The following AFDN variants were observed in gnomAD, a reference collection of about 807,000 sequenced individuals.
AFDN encodes the protein afadin, adherens junction formation factor.
In AFDN, 68 loss-of-function variants were observed where a neutral mutation model predicts 216.6. That is an observed-to-expected ratio of 0.31 (90% CI 0.26 to 0.38). The LOEUF is 0.38. Among genes scored for constraint, AFDN ranks in the 10% least tolerant of loss-of-function variants. AFDN has a pLI of 1.00. For missense variants in AFDN, 2,136 were observed against 2,342.0 expected (o/e 0.91, Z 1.82); for synonymous variants, 868 against 853.7 (o/e 1.02, Z -0.29).
chr6:167,852,974 A>T lies in AFDN; in HGVS notation c.106-11577A>T, dbSNP rs533611834. Among the ~76,000 whole-genome samples, 8 of 152,112 alleles carry T rather than the reference A, an allele frequency of 5.3e-5. No individual in the cohort carries two copies. In the South Asian group the frequency reaches 1.7e-3, roughly 32 times the overall value. ...AAGATGTCCCAAACTCATCTTGTAC[A>T]TTTTCTGACCTAGACCTGGATTAAG... On this transcript the variant is annotated intron_variant, in intron 1 of 33. Coordinates refer to ENST00000683244, the MANE Select transcript of AFDN (RefSeq NM_001386888.1).
At chr6:167,876,869 G>T (rs926206858) in intron 5 of AFDN, among the ~76,000 whole-genome samples, 5 of 151,976 alleles carry the variant, frequency 3.3e-5, no homozygotes, top group Admixed American at 2.0e-4. Flanking sequence ...GGGGTATTTT[G>T]ATGGAAAAAT....
intron 1 of AFDN, among the ~76,000 whole-genome samples, chr6:167,863,982 A>C (rs1363004983): frequency 6.6e-6 from 1 of 152,170 alleles, no homozygotes; most frequent in Admixed American, 6.5e-5. Flanking sequence ...AAGAGTTTTC[A>C]TTTATTCACA....
intron 1 of AFDN, among the ~76,000 whole-genome samples, chr6:167,852,091 TC>T (rs966855840): frequency 1.3e-5 from 2 of 152,148 alleles, no homozygotes; most frequent in Non-Finnish European, 2.9e-5. Flanking sequence ...TGTTATTTCT[TC>T]CCTACTTCAG....
At chr6:167,889,075 G>A (rs888887356) in intron 6 of AFDN, 140 bp from the exon 7 acceptor site, 1 of 564,184 alleles carries the variant, frequency 1.8e-6, no homozygotes, top group Non-Finnish European at 3.1e-6. Context: ...TGATTATTTT[G>A]ATGATGAGTG....
At position 167,971,504 on chromosome 6, in the gene AFDN, A is replaced by G. The variant is rs745630808; in HGVS notation, c.*1569A>G. ...TTTCCTTGTTTGAGTAAGAGAGTGAATGGTTCTGAGTGTTTAGGAAGGATT... is the reference window on the plus strand; with the variant it reads ...TTTCCTTGTTTGAGTAAGAGAGTGAGTGGTTCTGAGTGTTTAGGAAGGATT... On this transcript the variant is annotated 3_prime_UTR_variant, in exon 34 of 34. Transcript: ENST00000683244. 7.2e-5 allele frequency: 14 copies of G among 195,098 alleles called. No individual in the cohort carries two copies. The highest frequency in any genetic ancestry group is 1.5e-4 in the Non-Finnish European group (14 of 94,102). The allele number at this position is 195,098 out of a possible 1,614,324, so 12.1% of individuals were successfully genotyped here.
In AFDN at chr6:167,907,365, A is replaced by G; in HGVS notation, c.1769+76A>G. Reference sequence around the variant, plus strand: ...AAAAGGGTTGGGATAAAGATTGTTGAATTTATAAAGGTTCAGCTGACATGT... The same window carrying G: ...AAAAGGGTTGGGATAAAGATTGTTGGATTTATAAAGGTTCAGCTGACATGT... On this transcript the variant is annotated intron_variant, in intron 13 of 33. Transcript: ENST00000683244. The G allele has an allele frequency of 4.3e-6, 5 of 1,167,030 alleles. No individual in the cohort carries two copies. In the South Asian group the frequency reaches 5.1e-5, roughly 12 times the overall value. 72.3% of individuals were successfully genotyped at this position (1,167,030 alleles called of 1,614,324 possible). A position where few individuals can be genotyped will look rare whatever the true frequency, so the allele number is the denominator to read the frequency against.
intron 3 of AFDN, among the ~76,000 whole-genome samples, chr6:167,871,830 T>G (rs1441910758): frequency 6.6e-6 from 1 of 152,248 alleles, no homozygotes; most frequent in Non-Finnish European, 1.5e-5. Flanking sequence ...TTTGTTAGGT[T>G]TCTTTTATTC....
In AFDN at chr6:167,841,742, A is replaced by G. The variant is rs541690574; in HGVS notation, c.105+14505A>G. Among the ~76,000 whole-genome samples, 4 of 151,918 alleles carry G rather than the reference A, an allele frequency of 2.6e-5. No individual in the cohort carries two copies. In the South Asian group the frequency reaches 8.3e-4, roughly 32 times the overall value. ...ATAATATATCAGTTAGAGTGTTTCAATTTATGTTGCTAATTTTTTTTTTCT... is the reference window on the plus strand; with the variant it reads ...ATAATATATCAGTTAGAGTGTTTCAGTTTATGTTGCTAATTTTTTTTTTCT... On this transcript the variant is annotated intron_variant, in intron 1 of 33. Transcript: ENST00000683244.
At chr6:167,922,111 A>C (rs1448470672) in intron 21 of AFDN, among the ~76,000 whole-genome samples, 2 of 152,236 alleles carry the variant, frequency 1.3e-5, no homozygotes, top group Non-Finnish European at 2.9e-5. Context: ...GAGAAAATGT[A>C]CCGAGGATTG....
chr6:167,952,166 G>A lies in AFDN; in HGVS notation c.4812G>A (p.Leu1604=), dbSNP rs746650281. The change falls in exon 30 of 34, where the codon CTG becomes CTA. Residue 1604 remains leucine, a synonymous_variant. Transcript: ENST00000683244. The part of the protein sequence containing the change: ...DVDTMLIMQR[L]EAERRARLQD... ...ACACCATGCTGATCATGCAGCGCCTGGAGGCTGAACGAAGAGCGAGGGTAA... is the reference window on the plus strand; with the variant it reads ...ACACCATGCTGATCATGCAGCGCCTAGAGGCTGAACGAAGAGCGAGGGTAA... 7 of 1,614,064 alleles carry A rather than the reference G, an allele frequency of 4.3e-6. No homozygotes were observed. The highest frequency in any genetic ancestry group is 4.5e-5 in the East Asian group (2 of 44,878).
intron 20 of AFDN, among the ~76,000 whole-genome samples, chr6:167,917,981 CT>C (rs1236674090): frequency 6.6e-6 from 1 of 152,194 alleles, no homozygotes; most frequent in Non-Finnish European, 1.5e-5. Context: ...TCTGTGTACA[CT>C]TTAGGAACAG....
chr6:167,874,345 A>C (rs1294767754), intron 4 of AFDN, among the ~76,000 whole-genome samples: 1 of 152,228 alleles, frequency 6.6e-6, no homozygotes, highest in African/African-American at 2.4e-5. Flanking sequence ...CTTGATTAAA[A>C]GCTTGACTAT....
chr6:167,882,823 C>T (rs1466113176), intron 6 of AFDN, among the ~76,000 whole-genome samples: 1 of 151,996 alleles, frequency 6.6e-6, no homozygotes, highest in Non-Finnish European at 1.5e-5. Context: ...TTTGAAACTG[C>T]AGAAAACTAG....
intron 1 of AFDN, among the ~76,000 whole-genome samples, chr6:167,847,247 A>G (rs1326301541): frequency 3.9e-5 from 6 of 152,136 alleles, no homozygotes; most frequent in African/African-American, 1.4e-4. Context: ...TCTGATCCCA[A>G]TACACACTCT....
At chr6:167,945,789 A>G (rs1314398312) in intron 26 of AFDN, among the ~76,000 whole-genome samples, 1 of 152,246 alleles carries the variant, frequency 6.6e-6, no homozygotes, top group Non-Finnish European at 1.5e-5. Context: ...TTACAGCTAC[A>G]TCAAAAAGAA....
At chr6:167,929,399 G>A (rs189651645) in intron 23 of AFDN, among the ~76,000 whole-genome samples, 41 of 152,316 alleles carry the variant, frequency 2.7e-4, no homozygotes, top group Admixed American at 2.5e-3. Context: ...GGTACATACA[G>A]TCAAAAAGAT....
At chr6:167,899,304 G>A (rs80020556) in intron 11 of AFDN, among the ~76,000 whole-genome samples, 97 of 152,238 alleles carry the variant, frequency 6.4e-4, no homozygotes, top group African/African-American at 2.3e-3. Context: ...ATCCCCAGCT[G>A]CTCACCTCAC....
At chr6:167,923,189 A>G (rs1792047598) in intron 22 of AFDN, 1 of 416,088 alleles carries the variant, frequency 2.4e-6, no homozygotes, top group African/African-American at 2.1e-5. Context: ...TTTTTAAAAT[A>G]AAGAACACTT....
chr6:167,896,152 AC>A (rs1161230827), intron 9 of AFDN, among the ~76,000 whole-genome samples: 1 of 148,162 alleles, frequency 6.7e-6, no homozygotes, highest in East Asian at 2.0e-4. Flanking sequence ...CCTCCTCCTC[AC>A]CCCTTCCCTG....
Sources: allele counts gnomAD v4.1 joint callset (sites outside exome capture counted in the v4.1 genomes callset), GRCh38; gene constraint gnomAD v4.1.1; transcripts MANE v1.5; gene names NCBI Gene and HGNC (gene_info 2026-07-23, HGNC 2026-07-21).